CNTNAP5: variants seen among roughly 807,000 people sequenced by gnomAD.
The protein encoded by CNTNAP5 is contactin-associated protein-like 5.
CNTNAP5 carries 72 observed loss-of-function variants against 150.2 expected under a neutral mutation model. That is an observed-to-expected ratio of 0.48 (90% CI 0.40 to 0.58). The LOEUF is 0.58. Among genes scored for constraint, CNTNAP5 ranks in the 20% least tolerant of loss-of-function variants. The probability of loss-of-function intolerance (pLI) is 0.00; values close to 1 mark genes in which losing one functional copy is unlikely to be tolerated. For missense variants in CNTNAP5, 1,636 were observed against 1,626.2 expected, an observed-to-expected ratio of 1.01 and a Z score of -0.10; for synonymous variants, 672 against 619.8, an observed-to-expected ratio of 1.08 and a Z score of -1.25.
chr2:124,136,485 CTTA>C (rs1195657391), intron 1 of CNTNAP5, among the ~76,000 whole-genome samples: 2 of 152,174 alleles, frequency 1.3e-5, no homozygotes, highest in African/African-American at 4.8e-5. Flanking sequence ...CAGTTTGACA[CTTA>C]TTATACATTA....
chr2:124,385,542 T>C (rs754471840), intron 3 of CNTNAP5, among the ~76,000 whole-genome samples: 2 of 152,222 alleles, frequency 1.3e-5, no homozygotes, highest in Non-Finnish European at 2.9e-5. Flanking sequence ...AAGATCCATA[T>C]CTTCCTTTTT....
chr2:124,107,248 A>T (rs1460457118), intron 1 of CNTNAP5, among the ~76,000 whole-genome samples: 1 of 152,160 alleles, frequency 6.6e-6, no homozygotes, highest in Non-Finnish European at 1.5e-5. Context: ...AATTGAGAAC[A>T]ATGAGGGCTA....
intron 3 of CNTNAP5, among the ~76,000 whole-genome samples, chr2:124,355,021 T>C (rs1207351933): frequency 6.6e-6 from 1 of 151,676 alleles, no homozygotes; most frequent in African/African-American, 2.4e-5. Context: ...ATGGTCTCCA[T>C]GTCCCATATC....
At chr2:124,252,500 G>A (rs1687210010) in intron 3 of CNTNAP5, among the ~76,000 whole-genome samples, 1 of 152,170 alleles carries the variant, frequency 6.6e-6, no homozygotes, top group Non-Finnish European at 1.5e-5. Flanking sequence ...CCTCTCTGGG[G>A]AGAGGTGGCA....
chr2:124,187,353 A>G (rs937331380), intron 1 of CNTNAP5, among the ~76,000 whole-genome samples: 3 of 152,212 alleles, frequency 2.0e-5, no homozygotes, highest in Admixed American at 1.3e-4. Context: ...AAAGTGGAAG[A>G]GCTAGAATTT....
intron 1 of CNTNAP5, among the ~76,000 whole-genome samples, chr2:124,219,796 G>A (rs1686257014): frequency 6.6e-6 from 1 of 151,966 alleles, no homozygotes; most frequent in Non-Finnish European, 1.5e-5. Context: ...AGTGCTTTGA[G>A]GTATGTATGC....
intron 4 of CNTNAP5, among the ~76,000 whole-genome samples, chr2:124,431,404 A>T (rs1692374719): frequency 1.3e-5 from 2 of 151,842 alleles, no homozygotes; most frequent in African/African-American, 4.8e-5. Context: ...CTGGAGTATG[A>T]CATTATAAAA....
chr2:124,710,148 G>C (rs1679776485), intron 13 of CNTNAP5, among the ~76,000 whole-genome samples: 1 of 152,038 alleles, frequency 6.6e-6, no homozygotes. Context: ...AAAACCCAAG[G>C]GACCCCTTAC....
chr2:124,876,398 AG>A (rs1408758939), intron 21 of CNTNAP5, among the ~76,000 whole-genome samples: 1 of 151,270 alleles, frequency 6.6e-6, no homozygotes, highest in African/African-American at 2.4e-5. Context: ...AGAAAGAGAA[AG>A]ATCAACAATG....
intron 1 of CNTNAP5, among the ~76,000 whole-genome samples, chr2:124,151,482 C>G (rs536059987): frequency 1.3e-5 from 2 of 152,166 alleles, no homozygotes; most frequent in Admixed American, 6.5e-5. Context: ...CTGCCACTTA[C>G]CAGTTGTGTG....
intron 21 of CNTNAP5, among the ~76,000 whole-genome samples, chr2:124,902,447 C>T (rs569767470): frequency 6.6e-6 from 1 of 151,962 alleles, no homozygotes; most frequent in Non-Finnish European, 1.5e-5. Context: ...TTTTTTTTCT[C>T]TTGCTACATT....
chr2:124,052,642 A>G (rs533739499), intron 1 of CNTNAP5, among the ~76,000 whole-genome samples: 116 of 152,234 alleles, frequency 7.6e-4, no homozygotes, highest in South Asian at 2.3e-3. Context: ...CTGAGCTTTC[A>G]GCTCCTACCT....
intron 3 of CNTNAP5, among the ~76,000 whole-genome samples, chr2:124,355,871 C>T (rs1051971934): frequency 6.6e-6 from 1 of 152,076 alleles, no homozygotes; most frequent in African/African-American, 2.4e-5. Context: ...AAGACTGACC[C>T]TGTGAGCTCT....
chr2:124,792,172 T>C (rs1173373565), intron 18 of CNTNAP5, among the ~76,000 whole-genome samples: 1 of 152,148 alleles, frequency 6.6e-6, no homozygotes, highest in Non-Finnish European at 1.5e-5. Flanking sequence ...AATTAGGGTC[T>C]TTTTTTCATT....
At chr2:124,142,743 A>C (rs1312404248) in intron 1 of CNTNAP5, among the ~76,000 whole-genome samples, 3 of 139,440 alleles carry the variant, frequency 2.2e-5, no homozygotes, top group Non-Finnish European at 4.6e-5. Flanking sequence ...GAAAAGCAAG[A>C]GCAAACACAT....
chr2:124,075,007 A>G, intron 1 of CNTNAP5, among the ~76,000 whole-genome samples: 1 of 152,122 alleles, frequency 6.6e-6, no homozygotes, highest in East Asian at 1.9e-4. Context: ...CACAATAATC[A>G]ACATGAAAAA....
At chr2:124,085,251 T>G (rs1168097116) in intron 1 of CNTNAP5, among the ~76,000 whole-genome samples, 1 of 152,142 alleles carries the variant, frequency 6.6e-6, no homozygotes, top group East Asian at 1.9e-4. Context: ...TACAGGACTA[T>G]CCAAATGATA....
intron 21 of CNTNAP5, among the ~76,000 whole-genome samples, chr2:124,871,845 C>T (rs1241834335): frequency 6.6e-6 from 1 of 151,958 alleles, no homozygotes. Context: ...TCATATGTAT[C>T]TATGTATCCA....
intron 17 of CNTNAP5, among the ~76,000 whole-genome samples, chr2:124,774,210 A>G (rs1681271609): frequency 6.6e-6 from 1 of 151,604 alleles, no homozygotes; most frequent in Non-Finnish European, 1.5e-5. Context: ...TTTTTTGTTT[A>G]TTTATTTTTT....
Sources: allele counts gnomAD v4.1 joint callset (sites outside exome capture counted in the v4.1 genomes callset), GRCh38; gene constraint gnomAD v4.1.1; transcripts MANE v1.5; gene names NCBI Gene and HGNC (gene_info 2026-07-23, HGNC 2026-07-21).